Variants in WDSUB1 observed in about 807,000 individuals in gnomAD.
WDSUB1 encodes WD repeat, SAM and U-box domain-containing protein 1.
In WDSUB1, 49 loss-of-function variants were observed where a neutral mutation model predicts 53.9. The ratio of observed to expected loss-of-function variants is 0.91; its 90% CI spans 0.72 to 1.15. The LOEUF is 1.15. WDSUB1 is among the 50% of genes most tolerant of loss of function. The probability of loss-of-function intolerance (pLI) is 0.00; values close to 1 mark genes in which losing one functional copy is unlikely to be tolerated. For missense variants in WDSUB1, 514 were observed against 562.0 expected (o/e 0.91, Z 0.86); for synonymous variants, 194 against 200.6 (o/e 0.97, Z 0.28).
At chr2:159,282,480 C>A (rs2061687025) in intron 2 of WDSUB1, among the ~76,000 whole-genome samples, 192 bp downstream of exon 2, 1 of 152,232 alleles carries the variant, frequency 6.6e-6, no homozygotes, top group South Asian at 2.1e-4. Context: ...GCGTGAGCCA[C>A]AGCACCTGGC....
chr2:159,258,628 C>T lies in WDSUB1; in HGVS notation c.805-643G>A, dbSNP rs114000644. ...GAGCCAAGATCGCACCACTGCACTA[C>T]GGCCTGGGCAAAGGAGCAAGAGTCT... On this transcript the variant is annotated intron_variant, in intron 6 of 10. Coordinates refer to ENST00000359774, the MANE Select transcript of WDSUB1 (RefSeq NM_001128212.3). 3.8e-3 allele frequency among the ~76,000 whole-genome samples: 580 copies of T among 152,228 alleles called. 4 individuals carry two copies. The highest frequency in any genetic ancestry group is 0.013 in the African/African-American group (545 of 41,538).
chr2:159,265,284 GCACACACACCACACACACACACA>G (rs1319983167), intron 5 of WDSUB1, among the ~76,000 whole-genome samples: 1 of 72,286 alleles, frequency 1.4e-5, no homozygotes, highest in Non-Finnish European at 2.7e-5. Context: ...TCTAAAGCAA[GCACACACACCACACACACACACA>G]CACACACACA....
At chr2:159,255,543 G>A (rs2061044459) in intron 9 of WDSUB1, among the ~76,000 whole-genome samples, 2 of 151,958 alleles carry the variant, frequency 1.3e-5, no homozygotes, top group African/African-American at 4.8e-5. Context: ...CCTGAGTATA[G>A]TACAAAACCA....
At chr2:159,260,113 C>G (rs2061157521) in intron 5 of WDSUB1, among the ~76,000 whole-genome samples, 1 of 152,050 alleles carries the variant, frequency 6.6e-6, no homozygotes, top group Admixed American at 6.6e-5. Flanking sequence ...ACCAGCCTGG[C>G]CAACATGGTG....
rs539180664 is a variant in WDSUB1, at chr2:159,271,353, G to A, written c.770+349C>T. Among the ~76,000 whole-genome samples, 8 of 152,214 alleles carry A rather than the reference G, an allele frequency of 5.3e-5. 1 individual carries two copies. In the South Asian group the frequency reaches 1.7e-3, roughly 32 times the overall value. ...ATATATTATAATGTATCCATGCCAT[G>A]GAATATTACACAGCAATGAAAATCA... is the stretch of plus-strand genomic sequence containing the variant. On this transcript the variant is annotated intron_variant, in intron 5 of 10. Transcript: ENST00000359774.
At position 159,238,881 on chromosome 2, in the gene WDSUB1, C is replaced by T. The variant is rs146184228; in HGVS notation, c.1274-2691G>A. ...TATGAAATGGAGAAAGCTGATATCC[C>T]GCAGCCACTGAGTCTTCCTACCCCT... On this transcript the variant is annotated intron_variant, in intron 10 of 10. Transcript: ENST00000359774. Among the ~76,000 whole-genome samples, 82 of 152,150 alleles carry T rather than the reference C, an allele frequency of 5.4e-4. 1 individual carries two copies. Among genetic ancestry groups the T allele is most frequent in the Admixed American group, 6.5e-4 (10 of 15,274 alleles).
chr2:159,260,699 A>C (rs1438440186), intron 5 of WDSUB1, among the ~76,000 whole-genome samples: 1 of 152,354 alleles, frequency 6.6e-6, no homozygotes, highest in East Asian at 1.9e-4. Flanking sequence ...CACACACACA[A>C]AAATACAACA....
chr2:159,274,585 G>A (rs1187704093), intron 4 of WDSUB1, among the ~76,000 whole-genome samples: 6 of 152,056 alleles, frequency 3.9e-5, no homozygotes, highest in African/African-American at 1.2e-4. Flanking sequence ...TATCCCTGGC[G>A]AAACCTTTCA....
intron 9 of WDSUB1, among the ~76,000 whole-genome samples, chr2:159,254,360 G>C (rs1031207739): frequency 1.3e-5 from 2 of 152,132 alleles, no homozygotes; most frequent in Admixed American, 6.6e-5. Context: ...AGGAGTTTGA[G>C]ACCAGCCTGG....
intron 10 of WDSUB1, among the ~76,000 whole-genome samples, chr2:159,241,293 TG>T (rs1314928945): frequency 6.6e-6 from 1 of 152,262 alleles, no homozygotes; most frequent in African/African-American, 2.4e-5. Flanking sequence ...AATACCACTT[TG>T]TGTTGTAACA....
intron 9 of WDSUB1, among the ~76,000 whole-genome samples, chr2:159,255,548 A>G (rs949250201): frequency 6.6e-6 from 1 of 152,272 alleles, no homozygotes; most frequent in East Asian, 1.9e-4. Flanking sequence ...GTATAGTACA[A>G]AACCACTTAT....
At position 159,279,944 on chromosome 2, in the gene WDSUB1, A is replaced by G. The variant is rs750682609; in HGVS notation, c.400T>C (p.Cys134Arg). ...WNAQSYKLYR[C>R]GSVKDGSLAA... ...AAGGAGCCATCTTTAACACTACCAC[A>G]TCTGAAATAAAAGCAAAAAGTGGGT... The change falls in exon 3 of 11, where the codon TGT becomes CGT. Residue 134 changes from cysteine (C) to arginine (R), a missense_variant and splice_region_variant. Transcript: ENST00000359774. 1.2e-6 allele frequency: 2 copies of G among 1,601,250 alleles called. No homozygotes were observed. The highest frequency in any genetic ancestry group is 3.4e-5 in the Admixed American group (2 of 58,726).
intron 4 of WDSUB1, among the ~76,000 whole-genome samples, chr2:159,274,792 C>T (rs888686192): frequency 6.6e-6 from 1 of 152,144 alleles, no homozygotes; most frequent in African/African-American, 2.4e-5. Context: ...AAAAAGGGGA[C>T]TCAACTGCAA....
chr2:159,255,558 T>C (rs1006428854), intron 9 of WDSUB1, among the ~76,000 whole-genome samples: 6 of 152,180 alleles, frequency 3.9e-5, no homozygotes, highest in African/African-American at 7.2e-5. Flanking sequence ...AAACCACTTA[T>C]GTGTTTTCAC....
At chr2:159,265,123 C>CAAA (rs144543167) in intron 5 of WDSUB1, among the ~76,000 whole-genome samples, 2,131 of 146,294 alleles carry the variant, frequency 0.015, 57 homozygotes, top group African/African-American at 0.048. Flanking sequence ...ACAACAACAA[C>CAAA]AAAAAAAAAC....
At chr2:159,279,550 CA>C (rs1019564947) in intron 3 of WDSUB1, among the ~76,000 whole-genome samples, 11 of 149,318 alleles carry the variant, frequency 7.4e-5, no homozygotes, top group South Asian at 2.1e-4. Context: ...ACTCCAAGAC[CA>C]AAAAAAAAGA....
chr2:159,237,729 C>T (rs1004096539), intron 10 of WDSUB1, among the ~76,000 whole-genome samples: 1 of 152,142 alleles, frequency 6.6e-6, no homozygotes, highest in Non-Finnish European at 1.5e-5. Context: ...GTTTATTTTC[C>T]CCACAGTACT....
At chr2:159,278,595 TA>T (rs2061590814) in intron 3 of WDSUB1, among the ~76,000 whole-genome samples, 1 of 152,222 alleles carries the variant, frequency 6.6e-6, no homozygotes, top group Non-Finnish European at 1.5e-5. Context: ...AGGAGAGACT[TA>T]TCTTTAGTGA....
chr2:159,241,183 G>T (rs1391068880), intron 10 of WDSUB1, among the ~76,000 whole-genome samples: 4 of 152,200 alleles, frequency 2.6e-5, no homozygotes, highest in Non-Finnish European at 5.9e-5. Flanking sequence ...AGACCTGAAA[G>T]AAATAATCTA....
Sources: allele counts gnomAD v4.1 joint callset (sites outside exome capture counted in the v4.1 genomes callset), GRCh38; gene constraint gnomAD v4.1.1; transcripts MANE v1.5; gene names NCBI Gene and HGNC (gene_info 2026-07-23, HGNC 2026-07-21).